RASSF8: variants seen among roughly 807,000 people sequenced by gnomAD.
The protein encoded by RASSF8 is ras association domain-containing protein 8.
Under a neutral mutation model 48.5 loss-of-function variants are expected in RASSF8, and 22 were observed. The observed-to-expected ratio is 0.45, with a 90% CI of 0.32 to 0.65. The LOEUF is 0.65. RASSF8 is among the 30% of genes least tolerant of loss of function. The pLI is 0.03. For synonymous variants in RASSF8, 127 were observed against 171.5 expected (o/e 0.74, Z 2.03); for missense variants, 418 against 489.2 (o/e 0.85, Z 1.37).
At chr12:25,965,052 C>A (rs909973831) in intron 1 of RASSF8, among the ~76,000 whole-genome samples, 3 of 151,946 alleles carry the variant, frequency 2.0e-5, no homozygotes, top group African/African-American at 7.2e-5. Flanking sequence ...ATGCCATTCT[C>A]CCGCCTCAGC....
Position 26,065,099 on chromosome 12 carries a change from A to T in RASSF8, c.705A>T (p.Glu235Asp). ...FWENELQIEQ[E>D]NEKQLKDQLQ... ...AAAATGAATTACAGATTGAACAGGA[A>T]AATGAAAAACAGCTGAAGGATCAAC... The change falls in exon 4 of 6, where the codon GAA (glutamate) becomes GAT (aspartate). Residue 235 changes from glutamate to aspartate, a missense_variant. Transcript: ENST00000689635. 1 of 1,614,090 alleles carries T rather than the reference A, an allele frequency of 6.2e-7. No individual in the cohort carries two copies.
At position 26,046,638 on chromosome 12, in the gene RASSF8, A is replaced by G. The variant is rs1053864939; in HGVS notation, c.-108-8598A>G. On this transcript the variant is annotated intron_variant, in intron 2 of 5. Transcript: ENST00000689635. ...AATCACTTGAGACCAGAAGTTCAAG[A>G]CCAGCTGGGCAACATAAGGAGACCC... is the stretch of plus-strand genomic sequence containing the variant. 2.6e-5 allele frequency among the ~76,000 whole-genome samples: 4 copies of G among 151,488 alleles called. No individual in the cohort carries two copies. The Admixed American group carries it at 2.6e-4, about 10-fold the overall frequency.
chr12:25,965,222 T>C (rs1475230295), intron 1 of RASSF8, among the ~76,000 whole-genome samples: 1 of 152,054 alleles, frequency 6.6e-6, no homozygotes, highest in African/African-American at 2.4e-5. Context: ...ATTACAGGCA[T>C]GAGCCACCGT....
chr12:26,015,609 T>TTA (rs1320814472), intron 2 of RASSF8, among the ~76,000 whole-genome samples: 1 of 152,160 alleles, frequency 6.6e-6, no homozygotes, highest in African/African-American at 2.4e-5. Context: ...TTAAGTAAGA[T>TTA]TATACTTGAA....
chr12:26,069,290 C>T lies in RASSF8; in HGVS notation c.*472C>T, dbSNP rs941193584. 3.0e-5 allele frequency: 30 copies of T among 984,220 alleles called. No individual in the cohort carries two copies. The African/African-American group carries it at 5.1e-4, about 17-fold the overall frequency. The allele number at this position is 984,220 out of a possible 1,614,324, so 61.0% of individuals were successfully genotyped here. ...TGACCGTGTGCATGTTGCCAGACTCCATCCATGCATTGCTGATTTACACTA... is the reference window on the plus strand; with the variant it reads ...TGACCGTGTGCATGTTGCCAGACTCTATCCATGCATTGCTGATTTACACTA... On this transcript the variant is annotated 3_prime_UTR_variant, in exon 6 of 6. Coordinates refer to ENST00000689635, the MANE Select transcript of RASSF8 (RefSeq NM_001394098.1).
intron 2 of RASSF8, among the ~76,000 whole-genome samples, chr12:26,034,064 A>G (rs564634306): frequency 4.6e-5 from 7 of 152,128 alleles, no homozygotes; most frequent in Admixed American, 3.3e-4. Flanking sequence ...GTGGGGAGAA[A>G]GATGTTCCAA....
chr12:25,970,621 C>G (rs979242063), intron 1 of RASSF8, among the ~76,000 whole-genome samples: 3 of 152,192 alleles, frequency 2.0e-5, no homozygotes, highest in Non-Finnish European at 4.4e-5. Context: ...CACTGACCTG[C>G]TAAAAGCCCA....
intron 2 of RASSF8, among the ~76,000 whole-genome samples, chr12:25,996,442 A>G (rs897720909): frequency 2.6e-5 from 4 of 152,154 alleles, no homozygotes; most frequent in African/African-American, 9.7e-5. Context: ...AAGTTATACC[A>G]AGAGGAACTG....
In RASSF8 at chr12:26,069,276, A is replaced by G; in HGVS notation, c.*458A>G. ...ATATTGTGTGATTATGACCGTGTGC[A>G]TGTTGCCAGACTCCATCCATGCATT... On this transcript the variant is annotated 3_prime_UTR_variant, in exon 6 of 6. Transcript: ENST00000689635. 1 of 985,374 alleles carries G rather than the reference A, an allele frequency of 1.0e-6. No individual in the cohort carries two copies. 61.0% of individuals were successfully genotyped at this position (985,374 alleles called of 1,614,324 possible). A position where few individuals can be genotyped will look rare whatever the true frequency, so the allele number is the denominator to read the frequency against.
chr12:26,059,998 C>T (rs528456506), intron 3 of RASSF8, among the ~76,000 whole-genome samples: 1 of 152,238 alleles, frequency 6.6e-6, no homozygotes, highest in African/African-American at 2.4e-5. Context: ...CCCAGGTTCA[C>T]ACCATTCTCC....
downstream of RASSF8, among the ~76,000 whole-genome samples, chr12:26,075,652 G>A (rs145305963): frequency 2.5e-3 from 377 of 152,320 alleles, 2 homozygotes; most frequent in Non-Finnish European, 4.3e-3. Context: ...TACAAATTCC[G>A]TGTACACAAA....
intron 2 of RASSF8, among the ~76,000 whole-genome samples, chr12:26,029,645 A>G (rs1289918696): frequency 2.0e-5 from 3 of 152,116 alleles, no homozygotes; most frequent in Non-Finnish European, 4.4e-5. Flanking sequence ...TATTTCCTTA[A>G]CAGATTATTT....
intron 4 of RASSF8, among the ~76,000 whole-genome samples, chr12:26,067,057 C>G (rs992395742): frequency 6.6e-6 from 1 of 152,144 alleles, no homozygotes; most frequent in African/African-American, 2.4e-5. Flanking sequence ...AAACAGCTTA[C>G]AAAAACAAGA....
chr12:26,076,329 A>G (rs1037183889), downstream of RASSF8, among the ~76,000 whole-genome samples: 10 of 151,836 alleles, frequency 6.6e-5, no homozygotes, highest in Admixed American at 5.9e-4. Flanking sequence ...GGTTTGTTAC[A>G]TAGGTATACA....
intron 1 of RASSF8, among the ~76,000 whole-genome samples, chr12:25,973,025 A>G (rs1941519358): frequency 6.6e-6 from 1 of 151,792 alleles, no homozygotes; most frequent in South Asian, 2.1e-4. Context: ...TAGCTTGTTC[A>G]TTCTTTTTTT....
chr12:26,037,977 G>T (rs1943187197), intron 2 of RASSF8, among the ~76,000 whole-genome samples: 2 of 152,320 alleles, frequency 1.3e-5, no homozygotes, highest in Non-Finnish European at 2.9e-5. Context: ...TCTGGGACTG[G>T]GCTGAGTGCC....
intron 1 of RASSF8, among the ~76,000 whole-genome samples, chr12:25,979,976 T>G (rs1941700315): frequency 6.6e-6 from 1 of 152,182 alleles, no homozygotes; most frequent in Non-Finnish European, 1.5e-5. Flanking sequence ...AGGAAAGGTT[T>G]CTTGGAAAAG....
intron 2 of RASSF8, among the ~76,000 whole-genome samples, chr12:26,040,404 A>G (rs1186224287): frequency 6.6e-6 from 1 of 152,204 alleles, no homozygotes; most frequent in Admixed American, 6.5e-5. Flanking sequence ...CTGGGGGGTA[A>G]TAGTGGCCGA....
chr12:26,008,142 G>A (rs75354926), intron 2 of RASSF8, among the ~76,000 whole-genome samples: 18,631 of 151,922 alleles, frequency 0.12, 1,528 homozygotes, highest in Admixed American at 0.19. Context: ...GTGTGGTGGC[G>A]GGCGCCTGTA....
Sources: gnomAD v4.1 joint callset for allele counts (sites outside exome capture counted in the v4.1 genomes callset) on GRCh38, gnomAD v4.1.1 for gene constraint, MANE v1.5 for transcripts, NCBI Gene and HGNC (gene_info 2026-07-23, HGNC 2026-07-21) for gene names.